The following SLC29A4 variants were observed in gnomAD, a reference collection of about 807,000 sequenced individuals.
SLC29A4 encodes the protein equilibrative nucleoside transporter 4.
In SLC29A4, 36 loss-of-function variants were observed where a neutral mutation model predicts 43.9. That is an observed-to-expected ratio of 0.82 (90% CI 0.63 to 1.08). The LOEUF (loss-of-function observed/expected upper bound fraction) is 1.08. SLC29A4 is among the 50% of genes least tolerant of loss of function. The pLI is 0.00. For missense variants in SLC29A4, 869 were observed against 755.3 expected (o/e 1.15, Z -1.77); for synonymous variants, 491 against 338.0 (o/e 1.45, Z -4.97).
At chr7:5,294,961 G>C (rs1408498548) in intron 6 of SLC29A4, 27 bp downstream of exon 6, 1 of 1,588,792 alleles carries the variant, frequency 6.3e-7, no homozygotes, top group Non-Finnish European at 8.5e-7. Flanking sequence ...CCCCCGGGGA[G>C]GGGGTGCTGG....
Position 5,294,982 on chromosome 7 carries a change from G to A in SLC29A4, c.619+48G>A, listed in dbSNP as rs750356832. 5.9e-6 allele frequency: 9 copies of A among 1,519,114 alleles called. No individual in the cohort carries two copies. The South Asian group carries it at 7.4e-5, about 13-fold the overall frequency. 94.1% of individuals were successfully genotyped at this position (1,519,114 alleles called of 1,614,324 possible). Reference sequence around the variant, plus strand: ...GGGAGGGGGTGCTGGGCTGCCCTGGGCTCTGGAAGCTTCTTCCCAGGGACT... The same window carrying A: ...GGGAGGGGGTGCTGGGCTGCCCTGGACTCTGGAAGCTTCTTCCCAGGGACT... On this transcript the variant is annotated intron_variant, in intron 6 of 10. Transcript: ENST00000396872.
intron 1 of SLC29A4, among the ~76,000 whole-genome samples, chr7:5,284,039 CCCCCA>C (rs879369048): frequency 0.26 from 31,366 of 120,824 alleles, 4,609 homozygotes; most frequent in Non-Finnish European, 0.33. Context: ...ACGACCCCCC[CCCCCA>C]CCCCCGACTT....
chr7:5,284,467 G>A (rs1368110033), intron 1 of SLC29A4, among the ~76,000 whole-genome samples: 1 of 152,216 alleles, frequency 6.6e-6, no homozygotes, highest in African/African-American at 2.4e-5. Flanking sequence ...AATGACCTGT[G>A]TCTTCTCAAG....
chr7:5,306,282 C>CCCG lies in SLC29A4; in HGVS notation c.*3347_*3349dup, dbSNP rs1247471238. 6.7e-6 allele frequency: 1 copy of CCCG among 149,088 alleles called. No homozygotes were observed. 9.2% of individuals were successfully genotyped at this position (149,088 alleles called of 1,614,324 possible). ...CGATCTCAACTCACTGCAACCTCCA[C>CCCG]CCGCCGGGTCCCTGTGATTTTCCCA... On this transcript the variant is annotated 3_prime_UTR_variant, in exon 11 of 11. Coordinates refer to ENST00000396872, the MANE Select transcript of SLC29A4 (RefSeq NM_153247.4).
intron 1 of SLC29A4, among the ~76,000 whole-genome samples, chr7:5,283,805 G>T (rs1287603075): frequency 1.3e-5 from 2 of 152,232 alleles, no homozygotes; most frequent in Admixed American, 1.3e-4. Context: ...CAGGGCTGGT[G>T]ACTGAGCCGG....
At chr7:5,291,335 G>A (rs982760666) in intron 4 of SLC29A4, 98 bp downstream of exon 4, 24 of 1,190,440 alleles carry the variant, frequency 2.0e-5, no homozygotes, top group South Asian at 1.1e-4. Context: ...CACTCCCCTC[G>A]TCTGTAAAAT....
intron 3 of SLC29A4, 45 bp from the exon 4 acceptor site, chr7:5,291,079 G>C (rs368499379): frequency 2.5e-6 from 4 of 1,601,032 alleles, no homozygotes; most frequent in Non-Finnish European, 3.4e-6. Flanking sequence ...GTCAGTGCAG[G>C]GGGTGGGGCC....
At chr7:5,300,946 G>A (rs1786119387) in intron 10 of SLC29A4, among the ~76,000 whole-genome samples, 1 of 152,156 alleles carries the variant, frequency 6.6e-6, no homozygotes, top group South Asian at 2.1e-4. Context: ...CCGTGCTGTG[G>A]GACTGACTGT....
chr7:5,290,609 C>A, intron 2 of SLC29A4, 123 bp from the exon 3 acceptor site: 1 of 1,292,208 alleles, frequency 7.7e-7, no homozygotes, highest in East Asian at 2.5e-5. Context: ...CAGAGGGGAG[C>A]AGGGGTCACG....
At chr7:5,294,114 A>AG (rs1785488783) in intron 5 of SLC29A4, among the ~76,000 whole-genome samples, 1 of 151,874 alleles carries the variant, frequency 6.6e-6, no homozygotes, top group South Asian at 2.1e-4. Context: ...TGGAAAAAAA[A>AG]AAAAATTGTA....
At chr7:5,301,682 C>T (rs1786175530) in intron 10 of SLC29A4, among the ~76,000 whole-genome samples, 2 of 152,188 alleles carry the variant, frequency 1.3e-5, no homozygotes, top group Non-Finnish European at 2.9e-5. Context: ...GTCAACGTGG[C>T]ACTGGGAGGT....
rs1328929216 is a variant in SLC29A4 at position 5,297,193 on chromosome 7, C to T, written c.877C>T (p.His293Tyr). ...VHHDVVAGDV[H>Y]FEHPAPALAP... ...CCACGACGTTGTCGCCGGGGACGTC[C>T]ACTTCGTAAGTGCGCACCGCCCACC... Residue 293 changes from histidine to tyrosine, a missense_variant, in exon 7 of 11, where the codon CAC becomes TAC. Coordinates refer to ENST00000396872, the MANE Select transcript of SLC29A4 (RefSeq NM_153247.4). 3.2e-6 allele frequency: 5 copies of T among 1,586,850 alleles called. No individual in the cohort carries two copies. The highest frequency in any genetic ancestry group is 4.3e-6 in the Non-Finnish European group (5 of 1,171,782).
intron 6 of SLC29A4, among the ~76,000 whole-genome samples, chr7:5,295,758 G>C (rs1785606660): frequency 1.1e-5 from 1 of 91,368 alleles, no homozygotes; most frequent in African/African-American, 3.7e-5. Context: ...AGATGCCCCA[G>C]AGCTTCCAGA....
intron 7 of SLC29A4, among the ~76,000 whole-genome samples, chr7:5,298,259 C>T (rs961935464): frequency 6.6e-5 from 10 of 152,142 alleles, no homozygotes; most frequent in Non-Finnish European, 1.0e-4. Flanking sequence ...GGCAGGGGTG[C>T]GTCCCTCTCA....
At chr7:5,291,266 G>A in intron 4 of SLC29A4, 29 bp downstream of exon 4, 1 of 1,589,586 alleles carries the variant, frequency 6.3e-7, no homozygotes, top group African/African-American at 1.3e-5. Context: ...CGGGACACCT[G>A]CCTGTCATGG....
rs1434461095 is a variant in SLC29A4 at position 5,299,241 on chromosome 7, C to A, written c.1023C>A (p.Ala341=). The change falls in exon 9 of 11, where the codon GCC becomes GCA. Residue 341 remains alanine, a splice_region_variant and synonymous_variant. Transcript: ENST00000396872. ...RVQRSWPTFR[A]LLLHRYVVAR... is the part of the protein sequence containing the mutation. ...TGACCCCCGCCCGCCACCCTCCAGCCCTGTTACTGCACCGCTACGTGGTGG... is the reference window on the plus strand; with the variant it reads ...TGACCCCCGCCCGCCACCCTCCAGCACTGTTACTGCACCGCTACGTGGTGG... The A allele has an allele frequency of 1.9e-6, 3 of 1,611,236 alleles. No individual in the cohort carries two copies. The highest frequency in any genetic ancestry group is 4.5e-5 in the East Asian group (2 of 44,854).
chr7:5,292,678 G>GACAT (rs938747533), intron 5 of SLC29A4, among the ~76,000 whole-genome samples: 4 of 108,696 alleles, frequency 3.7e-5, no homozygotes, highest in Non-Finnish European at 7.7e-5. Context: ...TACCAGCCAA[G>GACAT]ACATTTTTTT....
chr7:5,284,659 C>T (rs989226740), intron 1 of SLC29A4, among the ~76,000 whole-genome samples: 10 of 152,032 alleles, frequency 6.6e-5, no homozygotes, highest in African/African-American at 1.5e-4. Context: ...TGTGGGGGGC[C>T]GGGAAGGACA....
In SLC29A4 at chr7:5,306,139, G is replaced by T. The variant is rs1015479266; in HGVS notation, c.*3200G>T. The T allele has an allele frequency of 2.6e-4, 38 of 148,204 alleles. No homozygotes were observed. Among genetic ancestry groups the T allele is most frequent in the African/African-American group, 9.0e-4 (36 of 39,990 alleles). The allele number at this position is 148,204 out of a possible 1,614,324, so 9.2% of individuals were successfully genotyped here. Reference sequence around the variant, plus strand: ...GCTGGGATTACAGGCGTGAGCCACCGTGCCCATCCAACTTAACTTTTAATT... The same window carrying T: ...GCTGGGATTACAGGCGTGAGCCACCTTGCCCATCCAACTTAACTTTTAATT... On this transcript the variant is annotated 3_prime_UTR_variant, in exon 11 of 11. Transcript: ENST00000396872.
Sources: gnomAD v4.1 joint callset for allele counts (sites outside exome capture counted in the v4.1 genomes callset) on GRCh38, gnomAD v4.1.1 for gene constraint, MANE v1.5 for transcripts, NCBI Gene and HGNC (gene_info 2026-07-23, HGNC 2026-07-21) for gene names.